CDH6: variants seen among roughly 807,000 people sequenced by gnomAD.
The protein encoded by CDH6 is cadherin 6, also known as cadherin-6.
Under a neutral mutation model 78.0 loss-of-function variants are expected in CDH6, and 31 were observed. The ratio of observed to expected loss-of-function variants is 0.40; its 90% confidence interval spans 0.30 to 0.54. The LOEUF is 0.54. CDH6 is among the 20% of genes least tolerant of loss of function. The pLI, the probability that CDH6 is intolerant of heterozygous loss-of-function variation, is 0.56. For missense variants in CDH6, 724 were observed against 975.9 expected (o/e 0.74, Z 3.44); for synonymous variants, 376 against 368.8 (o/e 1.02, Z -0.23).
chr5:31,232,356 TG>T (rs746218737), intron 1 of CDH6, among the ~76,000 whole-genome samples: 15 of 152,206 alleles, frequency 9.9e-5, no homozygotes, highest in Admixed American at 2.6e-4. Flanking sequence ...GCTTTCATTC[TG>T]GACGTTTTAA....
chr5:31,301,153 G>C (rs1454636757), intron 5 of CDH6, among the ~76,000 whole-genome samples: 1 of 152,058 alleles, frequency 6.6e-6, no homozygotes, highest in Admixed American at 6.6e-5. Context: ...TTACGTACTT[G>C]AGTCAAAAAA....
chr5:31,232,888 C>A (rs1741350462), intron 1 of CDH6, among the ~76,000 whole-genome samples: 1 of 152,190 alleles, frequency 6.6e-6, no homozygotes, highest in South Asian at 2.1e-4. Context: ...ATCCTCACAA[C>A]ATTCCTCCAA....
intron 1 of CDH6, among the ~76,000 whole-genome samples, chr5:31,260,743 A>G (rs542862604): frequency 6.6e-6 from 1 of 152,352 alleles, no homozygotes; most frequent in Non-Finnish European, 1.5e-5. Flanking sequence ...TTGGCACAAG[A>G]GAAGTGCTTC....
rs1742439514 is a variant in CDH6 at position 31,268,907 on chromosome 5, A to C, written c.228+1206A>C. On this transcript the variant is annotated intron_variant, in intron 2 of 11. Transcript: ENST00000265071. ...TGATGTGAATTATTAATGTAGAATA[A>C]AGTAAGAGAGGAAGTATTCAGTGAA... Among the ~76,000 whole-genome samples, 3 of 152,184 alleles carry C rather than the reference A, an allele frequency of 2.0e-5. No individual in the cohort carries two copies. The South Asian group carries it at 6.2e-4, about 31-fold the overall frequency.
At chr5:31,276,459 T>C (rs1742695051) in intron 2 of CDH6, among the ~76,000 whole-genome samples, 1 of 152,130 alleles carries the variant, frequency 6.6e-6, no homozygotes, top group African/African-American at 2.4e-5. Flanking sequence ...TATAAAAATA[T>C]GAATAAATAT....
intron 1 of CDH6, among the ~76,000 whole-genome samples, chr5:31,237,419 T>C (rs1298696548): frequency 6.6e-6 from 1 of 152,124 alleles, no homozygotes; most frequent in Admixed American, 6.6e-5. Context: ...ATTTATTTAT[T>C]GTTCAGAGAG....
rs1474246058 is a variant in CDH6 at position 31,323,752 on chromosome 5, G to A, written c.*444G>A. 4.2e-6 allele frequency: 1 copy of A among 239,102 alleles called. No individual in the cohort carries two copies. Among genetic ancestry groups the A allele is most frequent in the African/African-American group, 2.2e-5 (1 of 45,370 alleles). The allele number at this position is 239,102 out of a possible 1,614,324, so 14.8% of individuals were successfully genotyped here. On this transcript the variant is annotated 3_prime_UTR_variant, in exon 12 of 12. Coordinates refer to ENST00000265071, the MANE Select transcript of CDH6 (RefSeq NM_004932.4). ...AAATGAGGGCATATCGGCTCACAAA[G>A]AGATAAACTACATAGGGGTGTTTAT...
chr5:31,206,648 A>C (rs186014473), intron 1 of CDH6, among the ~76,000 whole-genome samples: 3 of 152,252 alleles, frequency 2.0e-5, no homozygotes, highest in African/African-American at 7.2e-5. Flanking sequence ...ACAAACATAC[A>C]TCGACTAGCA....
intron 5 of CDH6, among the ~76,000 whole-genome samples, chr5:31,300,070 T>A (rs1737720289): frequency 6.6e-6 from 1 of 152,362 alleles, no homozygotes; most frequent in Admixed American, 6.5e-5. Context: ...AAAATACAAC[T>A]GTGGAAGTAA....
At chr5:31,208,541 G>A (rs1295408407) in intron 1 of CDH6, among the ~76,000 whole-genome samples, 1 of 152,158 alleles carries the variant, frequency 6.6e-6, no homozygotes, top group Non-Finnish European at 1.5e-5. Context: ...TAGGGAAGTT[G>A]ACATTTTTTT....
intron 1 of CDH6, among the ~76,000 whole-genome samples, chr5:31,233,876 A>G (rs913181917): frequency 6.6e-6 from 1 of 152,164 alleles, no homozygotes; most frequent in Non-Finnish European, 1.5e-5. Flanking sequence ...ATATTACCTG[A>G]CTATCATTCA....
At position 31,257,212 on chromosome 5, in the gene CDH6, G is replaced by C. The variant is rs540778333; in HGVS notation, c.-128-10134G>C. Among the ~76,000 whole-genome samples, 4 of 151,890 alleles carry C rather than the reference G, an allele frequency of 2.6e-5. No homozygotes were observed. In the South Asian group the frequency reaches 8.3e-4, roughly 31 times the overall value. On this transcript the variant is annotated intron_variant, in intron 1 of 11. Transcript: ENST00000265071. ...GGAGTCTTGCTCTGTCGCCCAGGTG[G>C]AGTGCAGTGGCGCGATCTCGGCTCA...
chr5:31,226,353 T>G (rs1284399268), intron 1 of CDH6, among the ~76,000 whole-genome samples: 1 of 152,092 alleles, frequency 6.6e-6, no homozygotes, highest in Non-Finnish European at 1.5e-5. Context: ...TTTTGTATTT[T>G]TAATAGAGAC....
At chr5:31,318,876 A>G (rs1390406985) in intron 11 of CDH6, 2 of 226,832 alleles carry the variant, frequency 8.8e-6, no homozygotes, top group Non-Finnish European at 1.8e-5. Flanking sequence ...CAGAATGCCC[A>G]GGGATCCCTG....
chr5:31,269,973 A>G (rs1442302569), intron 2 of CDH6, among the ~76,000 whole-genome samples: 1 of 152,222 alleles, frequency 6.6e-6, no homozygotes, highest in Admixed American at 6.5e-5. Flanking sequence ...TGAGCTGTTG[A>G]TATGGCATTT....
chr5:31,227,144 T>C (rs1299186928), intron 1 of CDH6, among the ~76,000 whole-genome samples: 1 of 151,876 alleles, frequency 6.6e-6, no homozygotes, highest in Non-Finnish European at 1.5e-5. Context: ...GAAAGAAGAG[T>C]GGAGGTATCT....
intron 2 of CDH6, among the ~76,000 whole-genome samples, chr5:31,291,539 G>C (rs1743162595): frequency 1.3e-5 from 2 of 152,142 alleles, no homozygotes; most frequent in Admixed American, 1.3e-4. Context: ...GAGGTTAATT[G>C]ACTCTGCTGT....
intron 9 of CDH6, among the ~76,000 whole-genome samples, chr5:31,317,120 G>A (rs904129267): frequency 6.6e-6 from 1 of 152,130 alleles, no homozygotes; most frequent in African/African-American, 2.4e-5. Context: ...CTGATATCTC[G>A]TGGGTAGAGG....
At position 31,321,689 on chromosome 5, in the gene CDH6, T is replaced by C. The variant is rs141220409; in HGVS notation, c.1883-1129T>C. Among the ~76,000 whole-genome samples the C allele has an allele frequency of 7.4e-4, 112 of 152,322 alleles. 1 individual carries two copies. Among genetic ancestry groups the C allele is most frequent in the African/African-American group, 2.5e-3 (105 of 41,582 alleles). On this transcript the variant is annotated intron_variant, in intron 11 of 11. Transcript: ENST00000265071. The stretch of plus-strand genomic sequence containing the variant: ...TTATTATATAGGTAGTTTTGTGTAC[T>C]CACTAAAAAGGCATTATTCTGTAAT...
Sources: gnomAD v4.1 joint callset for allele counts (sites outside exome capture counted in the v4.1 genomes callset) on GRCh38, gnomAD v4.1.1 for gene constraint, MANE v1.5 for transcripts, NCBI Gene and HGNC (gene_info 2026-07-23, HGNC 2026-07-21) for gene names.